SLC41A3: variants seen among roughly 807,000 people sequenced by gnomAD.
The protein encoded by SLC41A3 is solute carrier family 41 member 3.
Under a neutral mutation model 45.4 loss-of-function variants are expected in SLC41A3, and 44 were observed. The observed-to-expected ratio is 0.97, with a 90% CI of 0.76 to 1.25. The LOEUF (loss-of-function observed/expected upper bound fraction) is 1.25, where lower values mean the gene tolerates loss of function less well. Among genes scored for constraint, SLC41A3 ranks in the 50% most tolerant of loss-of-function variants. The pLI, the probability that SLC41A3 is intolerant of heterozygous loss-of-function variation, is 0.00. For synonymous variants in SLC41A3, 256 were observed against 252.4 expected, an observed-to-expected ratio of 1.01 and a Z score of -0.13; for missense variants, 550 against 600.6, an observed-to-expected ratio of 0.92 and a Z score of 0.88.
At chr3:126,057,274 G>A (rs1452124118) in intron 2 of SLC41A3, 48 of 547,412 alleles carry the variant, frequency 8.8e-5, no homozygotes, top group Middle Eastern at 9.4e-4. Flanking sequence ...TCCCTCCATG[G>A]CCTGGAAGAC....
At chr3:126,092,372 C>G (rs982576140) in intron 1 of SLC41A3, among the ~76,000 whole-genome samples, 5 of 152,224 alleles carry the variant, frequency 3.3e-5, no homozygotes, top group Admixed American at 6.5e-5. Context: ...TTATTTCGGC[C>G]CATCCCTTCA....
chr3:126,081,172 T>A (rs1945131221), intron 1 of SLC41A3, among the ~76,000 whole-genome samples: 1 of 152,218 alleles, frequency 6.6e-6, no homozygotes, highest in Non-Finnish European at 1.5e-5. Context: ...GGAGTACTAT[T>A]CAGCCATAAA....
chr3:126,075,277 T>C (rs535809270), intron 1 of SLC41A3, among the ~76,000 whole-genome samples: 1 of 152,236 alleles, frequency 6.6e-6, no homozygotes, highest in African/African-American at 2.4e-5. Flanking sequence ...TAATGAATAA[T>C]CTAAAAGTAA....
chr3:126,021,700 G>T (rs1576232275), intron 6 of SLC41A3, among the ~76,000 whole-genome samples: 1 of 152,238 alleles, frequency 6.6e-6, no homozygotes, highest in South Asian at 2.1e-4. Context: ...CCTCTCTCCT[G>T]CCCTGCTCAT....
chr3:126,099,604 G>A (rs9878886), intron 1 of SLC41A3, among the ~76,000 whole-genome samples: 6,664 of 152,252 alleles, frequency 0.044, 332 homozygotes, highest in African/African-American at 0.13. Flanking sequence ...GGAGGCTGAG[G>A]CAGGAGAATC....
At chr3:126,020,185 A>G (rs1033543718) in intron 6 of SLC41A3, among the ~76,000 whole-genome samples, 8 of 152,104 alleles carry the variant, frequency 5.3e-5, no homozygotes, top group Non-Finnish European at 8.8e-5. Flanking sequence ...TGGGATGGCC[A>G]AGGAGCGCTG....
chr3:126,094,370 G>A (rs1945552276), intron 1 of SLC41A3, among the ~76,000 whole-genome samples: 1 of 152,196 alleles, frequency 6.6e-6, no homozygotes, highest in Non-Finnish European at 1.5e-5. Flanking sequence ...TGGCCACTAA[G>A]TAAAGAGAAA....
chr3:126,057,263 C>T (rs1299471716), intron 2 of SLC41A3: 1 of 631,676 alleles, frequency 1.6e-6, no homozygotes. Context: ...CAGGCCTGTT[C>T]TCCCTCCATG....
In SLC41A3 at chr3:126,016,882, G is replaced by A; in HGVS notation, c.746-7C>T. On this transcript the variant is annotated splice_polypyrimidine_tract_variant and splice_region_variant and intron_variant, in intron 6 of 10. Coordinates refer to ENST00000360370, the MANE Select transcript of SLC41A3 (RefSeq NM_017836.4). ...GGCGTCAGATACCGACTATCTGAAAGGAGAACAGGGACACACGCAGCTCAT... is the reference window on the plus strand; with the variant it reads ...GGCGTCAGATACCGACTATCTGAAAAGAGAACAGGGACACACGCAGCTCAT... The A allele has an allele frequency of 1.2e-6, 2 of 1,610,382 alleles. No individual in the cohort carries two copies. Among genetic ancestry groups the A allele is most frequent in the Non-Finnish European group, 1.7e-6 (2 of 1,179,700 alleles).
At chr3:126,091,842 G>A (rs2365017) in intron 1 of SLC41A3, among the ~76,000 whole-genome samples, 101,954 of 151,994 alleles carry the variant, frequency 0.67, 34,674 homozygotes, top group African/African-American at 0.77. Flanking sequence ...TCATGTTGGT[G>A]TCTTATTGCT....
Position 126,095,226 on chromosome 3 carries a change from C to T in SLC41A3, c.-79+6203G>A, listed in dbSNP as rs1385998032. 11 of 691,926 alleles carry T rather than the reference C, an allele frequency of 1.6e-5. No homozygotes were observed. The African/African-American group carries it at 1.9e-4, about 12-fold the overall frequency. 42.9% of individuals were successfully genotyped at this position (691,926 alleles called of 1,614,324 possible). A position where few individuals can be genotyped will look rare whatever the true frequency, so the allele number is the denominator to read the frequency against. On this transcript the variant is annotated intron_variant, in intron 1 of 9. Transcript: ENST00000508835. ...AGCCGATTTGGATACCATCAAGACA[C>T]CTGAAACCTTATCATGAGCCAGATG...
chr3:126,026,512 G>T lies in SLC41A3; in HGVS notation c.454-33C>A. ...ACAGAAATCAGAAGCATGAAGGGGG[G>T]CCCCGGGGCCACAGCCACACTCCCT... On this transcript the variant is annotated intron_variant, in intron 4 of 10. Transcript: ENST00000360370. The surrounding 1 kb of genome is among the most constrained non-coding windows in gnomAD (Gnocchi z 4.2). The T allele has an allele frequency of 1.9e-6, 3 of 1,589,626 alleles. No individual in the cohort carries two copies. Among genetic ancestry groups the T allele is most frequent in the Admixed American group, 1.8e-5 (1 of 56,912 alleles).
At chr3:126,046,368 C>CAT (rs1352695442) in intron 3 of SLC41A3, among the ~76,000 whole-genome samples, 4 of 152,022 alleles carry the variant, frequency 2.6e-5, no homozygotes, top group Non-Finnish European at 4.4e-5. Flanking sequence ...CACACACACA[C>CAT]ACACACACAC....
intron 1 of SLC41A3, among the ~76,000 whole-genome samples, chr3:126,072,641 C>A (rs948797682): frequency 1.3e-5 from 2 of 152,156 alleles, no homozygotes; most frequent in Non-Finnish European, 2.9e-5. Flanking sequence ...AGGTTGTAGA[C>A]AAAAGGGAAT....
rs1941041112 is a variant in SLC41A3, at chr3:126,023,034, T to C, written c.599-102A>G. ...GGGATGGGCGGCACTGAGTAGGGAC[T>C]GGCAGGTGGCAGGGAGGCTGCTCAT... On this transcript the variant is annotated intron_variant, in intron 5 of 10. Coordinates refer to ENST00000360370, the MANE Select transcript of SLC41A3 (RefSeq NM_017836.4). 22 of 1,461,734 alleles carry C rather than the reference T, an allele frequency of 1.5e-5. No homozygotes were observed. The South Asian group carries it at 2.2e-4, about 15-fold the overall frequency. 90.5% of individuals were successfully genotyped at this position (1,461,734 alleles called of 1,614,324 possible). A position where few individuals can be genotyped will look rare whatever the true frequency, so the allele number is the denominator to read the frequency against.
chr3:126,013,209 A>AT lies in SLC41A3; in HGVS notation c.971-461dup, dbSNP rs1334651497. 9.1e-4 allele frequency among the ~76,000 whole-genome samples: 134 copies of AT among 146,700 alleles called. No homozygotes were observed. The Middle Eastern group carries it at 0.011, about 12-fold the overall frequency. On this transcript the variant is annotated intron_variant, in intron 8 of 10. Transcript: ENST00000360370. ...TGGAATATCTGAGAAAATGAAAGTGATTTTTTTTTTTTCACTCAAGGTGGG... is the reference window on the plus strand; with the variant it reads ...TGGAATATCTGAGAAAATGAAAGTGATTTTTTTTTTTTTCACTCAAGGTGGG...
At chr3:126,080,751 G>A (rs1945108034) in intron 1 of SLC41A3, among the ~76,000 whole-genome samples, 1 of 152,186 alleles carries the variant, frequency 6.6e-6, no homozygotes, top group South Asian at 2.1e-4. Context: ...AGGAGCTTGA[G>A]ACCAGCCTGG....
intron 1 of SLC41A3, among the ~76,000 whole-genome samples, chr3:126,077,771 G>C (rs183314934): frequency 6.6e-6 from 1 of 152,196 alleles, no homozygotes; most frequent in Non-Finnish European, 1.5e-5. Context: ...CTTGCAGCAG[G>C]GAGAAGCTGA....
intron 2 of SLC41A3, among the ~76,000 whole-genome samples, chr3:126,066,989 C>CA (rs1353642227): frequency 6.6e-6 from 1 of 152,026 alleles, no homozygotes; most frequent in Non-Finnish European, 1.5e-5. Context: ...GCTGCAGACT[C>CA]AGAGCACAGC....
Sources: gnomAD v4.1 joint callset for allele counts (sites outside exome capture counted in the v4.1 genomes callset) on GRCh38, gnomAD v4.1.1 for gene constraint, Gnocchi (gnomAD v3.1) non-coding constraint, MANE v1.5 for transcripts, NCBI Gene and HGNC (gene_info 2026-07-23, HGNC 2026-07-21) for gene names.